The following OPRM1 variants were observed in gnomAD, a reference collection of about 807,000 sequenced individuals.
The protein encoded by OPRM1 is opioid receptor mu 1.
A neutral mutation model predicts 31.8 loss-of-function variants in OPRM1; 27 were observed. That is an observed-to-expected ratio of 0.85 (90% confidence interval 0.63 to 1.17). The LOEUF (loss-of-function observed/expected upper bound fraction) is 1.17. Ranked by LOEUF, OPRM1 falls within the 50% of genes most tolerant of loss-of-function variation. OPRM1 has a pLI of 0.00. For synonymous variants in OPRM1, 196 were observed against 189.9 expected (o/e 1.03, Z -0.26); for missense variants, 536 against 511.1 (o/e 1.05, Z -0.47).
chr6:154,095,433 G>A (rs1348106726), intron 3 of OPRM1, among the ~76,000 whole-genome samples: 1 of 152,174 alleles, frequency 6.6e-6, no homozygotes, highest in South Asian at 2.1e-4. Flanking sequence ...TGCAACTGAC[G>A]AACAACCTAA....
chr6:154,109,770 CTCT>C lies in OPRM1; in HGVS notation c.1165-8912_1165-8910del, dbSNP rs1796114428. On this transcript the variant is annotated intron_variant, in intron 3 of 3. Coordinates refer to ENST00000330432, the MANE Select transcript of OPRM1 (RefSeq NM_000914.5). ...GTGAAAAGCCCTACTCTCTCTCCCT[CTCT>C]CTCTCTCTCTCTCTCTCTCTGTGTG... Among the ~76,000 whole-genome samples the C allele has an allele frequency of 6.2e-5, 3 of 48,652 alleles. No homozygotes were observed. In the South Asian group the frequency reaches 4.0e-3, roughly 65 times the overall value. 31.9% of individuals were successfully genotyped at this position (48,652 alleles called of 152,430 possible).
intron 3 of OPRM1, among the ~76,000 whole-genome samples, chr6:154,118,001 A>G (rs890366976): frequency 6.6e-6 from 1 of 152,148 alleles, no homozygotes; most frequent in Non-Finnish European, 1.5e-5. Context: ...CTTCCTATAC[A>G]AACATCTCCT....
At chr6:154,104,416 A>G (rs1795293571) in intron 3 of OPRM1, among the ~76,000 whole-genome samples, 1 of 152,242 alleles carries the variant, frequency 6.6e-6, no homozygotes, top group African/African-American at 2.4e-5. Flanking sequence ...CAACTGTTGG[A>G]ACTAAGCTGA....
chr6:154,199,714 A>T (rs773393550), intron 3 of OPRM1: 5 of 1,613,856 alleles, frequency 3.1e-6, no homozygotes, highest in Non-Finnish European at 4.2e-6. Flanking sequence ...GGACAGTAAG[A>T]TGGTCATGAT....
At chr6:154,042,308 G>A (rs914026495) in intron 1 of OPRM1, among the ~76,000 whole-genome samples, 1 of 152,110 alleles carries the variant, frequency 6.6e-6, no homozygotes, top group African/African-American at 2.4e-5. Context: ...TCCAGGCTGC[G>A]GTGTTTAAAC....
At chr6:154,017,195 C>T (rs143319379) in intron 1 of OPRM1, among the ~76,000 whole-genome samples, 130 of 152,210 alleles carry the variant, frequency 8.5e-4, no homozygotes, top group African/African-American at 3.0e-3. Flanking sequence ...ACATAAGCTC[C>T]ATTAAACCAG....
chr6:154,118,865 C>T lies in OPRM1; in HGVS notation c.*144C>T. On this transcript the variant is annotated 3_prime_UTR_variant, in exon 4 of 4. Transcript: ENST00000330432. ...TCATCCAACCTCTTTCCTCTCTGGC[C>T]ACTCTGCTCTGCACATTAGAGGGAC... 3 of 1,497,564 alleles carry T rather than the reference C, an allele frequency of 2.0e-6. No homozygotes were observed. Among genetic ancestry groups the T allele is most frequent in the South Asian group, 1.4e-5 (1 of 73,566 alleles). 92.8% of individuals were successfully genotyped at this position (1,497,564 alleles called of 1,614,324 possible).
intron 3 of OPRM1, among the ~76,000 whole-genome samples, chr6:154,216,037 G>T (rs1453104365): frequency 6.6e-6 from 1 of 152,086 alleles, no homozygotes; most frequent in Non-Finnish European, 1.5e-5. Flanking sequence ...CATGAAAACT[G>T]ATACAGCCAA....
chr6:154,179,230 A>C (rs1800625600), intron 3 of OPRM1, among the ~76,000 whole-genome samples: 1 of 152,210 alleles, frequency 6.6e-6, no homozygotes, highest in Non-Finnish European at 1.5e-5. Flanking sequence ...CAAATGTGAG[A>C]ATCCTTCTCA....
chr6:154,134,984 A>G (rs990014681), downstream of OPRM1, among the ~76,000 whole-genome samples: 4 of 152,218 alleles, frequency 2.6e-5, no homozygotes, highest in East Asian at 1.9e-4. Flanking sequence ...CCCATCATCT[A>G]TGGGTTTCCC....
intron 3 of OPRM1, among the ~76,000 whole-genome samples, chr6:154,232,471 T>C (rs1186090306): frequency 6.6e-6 from 1 of 152,176 alleles, no homozygotes; most frequent in Non-Finnish European, 1.5e-5. Flanking sequence ...GTGCCAGACC[T>C]AGAACACCAA....
chr6:154,114,891 A>G (rs934436793), intron 3 of OPRM1, among the ~76,000 whole-genome samples: 2 of 151,626 alleles, frequency 1.3e-5, no homozygotes, highest in African/African-American at 4.9e-5. Flanking sequence ...AAAAAAAAAC[A>G]AAAAACTTGA....
At chr6:154,055,420 T>A (rs1015659284) in intron 1 of OPRM1, among the ~76,000 whole-genome samples, 1 of 149,994 alleles carries the variant, frequency 6.7e-6, no homozygotes, top group Admixed American at 6.7e-5. Flanking sequence ...AAAAAAAAAA[T>A]AAAAGCTAGA....
intron 3 of OPRM1, among the ~76,000 whole-genome samples, chr6:154,162,077 G>T (rs1027575949): frequency 6.6e-6 from 1 of 152,160 alleles, no homozygotes; most frequent in Admixed American, 6.5e-5. Flanking sequence ...GAACTACATG[G>T]ATGCAAATCT....
In OPRM1 at chr6:154,123,466, G is replaced by A. The variant is rs116757686; in HGVS notation, c.*4745G>A. 5.3e-3 allele frequency among the ~76,000 whole-genome samples: 809 copies of A among 152,224 alleles called. 8 individuals are homozygous for A. The highest frequency in any genetic ancestry group is 0.019 in the African/African-American group (777 of 41,530). Reference sequence around the variant, plus strand: ...GATTTTTCAGGCAGCCTGCTTCTCCGAGGACTAGTCTTAGCTGTTTACCTA... The same window carrying A: ...GATTTTTCAGGCAGCCTGCTTCTCCAAGGACTAGTCTTAGCTGTTTACCTA... On this transcript the variant is annotated 3_prime_UTR_variant, in exon 4 of 4. Coordinates refer to ENST00000330432, the MANE Select transcript of OPRM1 (RefSeq NM_000914.5).
intron 1 of OPRM1, among the ~76,000 whole-genome samples, chr6:154,015,369 A>G (rs1328387334): frequency 6.6e-6 from 1 of 152,128 alleles, no homozygotes; most frequent in Non-Finnish European, 1.5e-5. Context: ...CATAGAAAAT[A>G]TGGGATACAA....
chr6:154,110,845 C>T (rs1030168668), intron 3 of OPRM1, among the ~76,000 whole-genome samples: 5 of 142,802 alleles, frequency 3.5e-5, no homozygotes, highest in African/African-American at 1.3e-4. Context: ...AGAGATCGCG[C>T]CACTGCACTC....
intron 3 of OPRM1, among the ~76,000 whole-genome samples, chr6:154,227,496 A>G (rs762799419): frequency 3.9e-5 from 6 of 152,128 alleles, no homozygotes; most frequent in Non-Finnish European, 7.3e-5. Flanking sequence ...AGGTGGGAGG[A>G]TCACTTGAGC....
chr6:154,079,657 TACC>T (rs1304966367), intron 1 of OPRM1, among the ~76,000 whole-genome samples: 2 of 152,204 alleles, frequency 1.3e-5, no homozygotes, highest in African/African-American at 4.8e-5. Context: ...AGTTGACAAA[TACC>T]ACAAATATCA....
Sources: gnomAD v4.1 joint callset for allele counts (sites outside exome capture counted in the v4.1 genomes callset) on GRCh38, gnomAD v4.1.1 for gene constraint, MANE v1.5 for transcripts, NCBI Gene and HGNC (gene_info 2026-07-23, HGNC 2026-07-21) for gene names.